MKLN1: variants seen among roughly 807,000 people sequenced by gnomAD.
MKLN1 encodes muskelin 1.
A neutral mutation model predicts 99.0 loss-of-function variants in MKLN1; 18 were observed. The ratio of observed to expected loss-of-function variants is 0.18; its 90% CI spans 0.13 to 0.27. MKLN1 has a LOEUF of 0.27. Ranked by LOEUF, MKLN1 falls within the 10% of genes least tolerant of loss-of-function variation. The probability of loss-of-function intolerance (pLI) is 1.00; values close to 1 mark genes in which losing one functional copy is unlikely to be tolerated. For synonymous variants in MKLN1, 288 were observed against 293.2 expected (o/e 0.98, Z 0.18); for missense variants, 621 against 875.9 (o/e 0.71, Z 3.67).
chr7:131,484,438 T>G (rs1041190057), intron 17 of MKLN1, among the ~76,000 whole-genome samples: 1 of 152,166 alleles, frequency 6.6e-6, no homozygotes, highest in Admixed American at 6.6e-5. Flanking sequence ...GTAATAACCT[T>G]AAGATTATTG....
chr7:131,240,494 T>G (rs1231325471), intron 3 of MKLN1, among the ~76,000 whole-genome samples: 1 of 151,272 alleles, frequency 6.6e-6, no homozygotes, highest in Non-Finnish European at 1.5e-5. Flanking sequence ...TGAAGAGAGA[T>G]AAATGAAAAA....
At chr7:131,463,130 A>G in intron 12 of MKLN1, 87 bp from the exon 13 acceptor site, 1 of 1,208,916 alleles carries the variant, frequency 8.3e-7, no homozygotes, top group Non-Finnish European at 1.2e-6. Context: ...TTCTTTAAAA[A>G]AAGAAAGAAA....
intron 3 of MKLN1, among the ~76,000 whole-genome samples, chr7:131,221,955 G>C (rs1204533291): frequency 6.6e-6 from 1 of 152,062 alleles, no homozygotes; most frequent in African/African-American, 2.4e-5. Flanking sequence ...GCCCAGGCTG[G>C]ATTGTGGTGG....
chr7:131,119,766 C>T (rs1162098321), intron 1 of MKLN1, among the ~76,000 whole-genome samples: 3 of 152,316 alleles, frequency 2.0e-5, no homozygotes, highest in East Asian at 1.9e-4. Context: ...TGCACCTTGG[C>T]CCCTTTTAGC....
intron 1 of MKLN1, among the ~76,000 whole-genome samples, chr7:131,355,505 AT>A (rs1013588368): frequency 8.6e-5 from 13 of 151,536 alleles, no homozygotes; most frequent in African/African-American, 3.2e-4. Flanking sequence ...GGTTTTGCAC[AT>A]TTTTCTAAGC....
At chr7:131,243,910 G>T (rs1797445558) in intron 3 of MKLN1, among the ~76,000 whole-genome samples, 1 of 152,096 alleles carries the variant, frequency 6.6e-6, no homozygotes, top group Non-Finnish European at 1.5e-5. Flanking sequence ...AGCTACTCAG[G>T]AGGCTGAGGC....
At chr7:131,371,694 A>G (rs1200652298) in intron 1 of MKLN1, among the ~76,000 whole-genome samples, 1 of 151,830 alleles carries the variant, frequency 6.6e-6, no homozygotes, top group Non-Finnish European at 1.5e-5. Flanking sequence ...TTTCTCCTAT[A>G]CTTTTCTTCA....
Position 131,171,058 on chromosome 7 carries a change from A to T in MKLN1, c.-297+28117A>T, listed in dbSNP as rs1796207512. Among the ~76,000 whole-genome samples the T allele has an allele frequency of 3.3e-5, 5 of 152,226 alleles. No individual in the cohort carries two copies. The South Asian group carries it at 1.0e-3, about 31-fold the overall frequency. On this transcript the variant is annotated intron_variant, in intron 2 of 7. Transcript: ENST00000416992. The stretch of plus-strand genomic sequence containing the variant: ...GTCAGTGATAAGACACACATAAAAA[A>T]GTTAAACAACCCGACATCATAAAGA...
chr7:131,139,886 C>G (rs1469161366), intron 1 of MKLN1, among the ~76,000 whole-genome samples: 5 of 152,216 alleles, frequency 3.3e-5, no homozygotes, highest in Non-Finnish European at 7.3e-5. Context: ...GTTCAACAGA[C>G]AGGCCATGTC....
At chr7:131,160,802 T>C (rs542181198) in intron 2 of MKLN1, among the ~76,000 whole-genome samples, 1 of 151,944 alleles carries the variant, frequency 6.6e-6, no homozygotes, top group South Asian at 2.1e-4. Context: ...AGTCCTGGTA[T>C]TACAGGCATG....
chr7:131,265,457 C>T (rs1042357279), intron 3 of MKLN1, among the ~76,000 whole-genome samples: 5 of 152,162 alleles, frequency 3.3e-5, no homozygotes, highest in African/African-American at 1.2e-4. Flanking sequence ...CTTTCATTTC[C>T]TCCTTTTGCC....
chr7:131,390,541 G>T (rs1224566712), intron 4 of MKLN1, among the ~76,000 whole-genome samples: 1 of 151,890 alleles, frequency 6.6e-6, no homozygotes, highest in East Asian at 1.9e-4. Context: ...TTTCCCCCCA[G>T]CTTTACTAAG....
At chr7:131,208,475 G>A (rs1167239548) in intron 3 of MKLN1, among the ~76,000 whole-genome samples, 1 of 152,066 alleles carries the variant, frequency 6.6e-6, no homozygotes, top group African/African-American at 2.4e-5. Context: ...CGTGCCTGTG[G>A]TCACAGCTAC....
chr7:131,130,642 G>A (rs10954304), intron 1 of MKLN1, among the ~76,000 whole-genome samples: 77,093 of 152,056 alleles, frequency 0.51, 20,922 homozygotes, highest in East Asian at 0.79. Flanking sequence ...TTCAAGGGAT[G>A]CTGGTGAATA....
chr7:131,392,842 C>T (rs141921297), intron 4 of MKLN1, among the ~76,000 whole-genome samples: 3,946 of 151,956 alleles, frequency 0.026, 69 homozygotes, highest in Non-Finnish European at 0.042. Context: ...CGACCTGAGG[C>T]GATCCACCCG....
intron 4 of MKLN1, among the ~76,000 whole-genome samples, chr7:131,394,944 T>C (rs181215793): frequency 6.6e-6 from 1 of 152,210 alleles, no homozygotes; most frequent in African/African-American, 2.4e-5. Flanking sequence ...TTAGAAAATA[T>C]GGTTCACTGA....
chr7:131,251,121 G>GTGTGTGTGTGTA (rs143561333), intron 3 of MKLN1, among the ~76,000 whole-genome samples: 3,316 of 148,018 alleles, frequency 0.022, 42 homozygotes, highest in Middle Eastern at 0.029. Flanking sequence ...GTGTGTGTGT[G>GTGTGTGTGTGTA]TGTGTACCAT....
intron 3 of MKLN1, among the ~76,000 whole-genome samples, chr7:131,275,882 C>T (rs1261350755): frequency 1.3e-5 from 2 of 152,042 alleles, no homozygotes; most frequent in Non-Finnish European, 2.9e-5. Flanking sequence ...GACTTACTCA[C>T]CCCGTCACAA....
intron 4 of MKLN1, among the ~76,000 whole-genome samples, chr7:131,390,732 T>C (rs1473046366): frequency 6.6e-6 from 1 of 152,178 alleles, no homozygotes. Context: ...CAGTTATTAC[T>C]ATAGTCACCA....
Sources: gnomAD v4.1 joint callset for allele counts (sites outside exome capture counted in the v4.1 genomes callset) on GRCh38, gnomAD v4.1.1 for gene constraint, MANE v1.5 for transcripts, NCBI Gene and HGNC (gene_info 2026-07-23, HGNC 2026-07-21) for gene names.